The following EHMT2 variants were observed in gnomAD, a reference collection of about 807,000 sequenced individuals.
EHMT2 encodes the protein euchromatic histone lysine methyltransferase 2.
A neutral mutation model predicts 143.3 loss-of-function variants in EHMT2; 59 were observed. The ratio of observed to expected loss-of-function variants is 0.41; its 90% CI spans 0.33 to 0.51. The LOEUF (loss-of-function observed/expected upper bound fraction) is 0.51. Among genes scored for constraint, EHMT2 ranks in the 20% least tolerant of loss-of-function variants. The probability of loss-of-function intolerance (pLI) is 0.18; values close to 1 mark genes in which losing one functional copy is unlikely to be tolerated. For synonymous variants in EHMT2, 604 were observed against 651.5 expected (o/e 0.93, Z 1.11); for missense variants, 1,174 against 1,645.9 (o/e 0.71, Z 4.96).
Position 31,880,210 on chromosome 6 carries a change from T to C in EHMT2, c.3507A>G (p.Gln1169=), listed in dbSNP as rs538676408. 77 of 1,612,832 alleles carry C rather than the reference T, an allele frequency of 4.8e-5. No homozygotes were observed. Among genetic ancestry groups the C allele is most frequent in the East Asian group, 8.9e-5 (4 of 44,890 alleles). Residue 1169 remains glutamine, a synonymous_variant, in exon 28 of 28, where the codon CAA becomes CAG. Transcript: ENST00000375537. This position sits in a 1 kb window ranked among gnomAD's most constrained non-coding sequence, Gnocchi z 6.6. ...AGTGCTTGCACTTCTCAGAGCCACA[T>C]TGGCAGGTGAAATATTTGCTTTTGA...
chr6:31,891,567 C>T (rs1581939524), intron 7 of EHMT2, among the ~76,000 whole-genome samples: 1 of 152,088 alleles, frequency 6.6e-6, no homozygotes, highest in African/African-American at 2.4e-5. Flanking sequence ...ATGGCTGGAG[C>T]TGTGTATTGG....
In EHMT2 at chr6:31,884,869, C is replaced by T. The variant is rs765581797; in HGVS notation, c.2448+43G>A. ...CCTTGAATCCAGCCTCCACCTTGCT[C>T]AGGGGCCTGGGGCTGCCCTACCTCA... On this transcript the variant is annotated intron_variant, in intron 19 of 27. Coordinates refer to ENST00000375537, the Ensembl canonical transcript of EHMT2. This position sits in a 1 kb window ranked among gnomAD's most constrained non-coding sequence, Gnocchi z 7.3. 6.3e-7 allele frequency: 1 copy of T among 1,584,564 alleles called. No individual in the cohort carries two copies. The highest frequency in any genetic ancestry group is 1.1e-5 in the South Asian group (1 of 89,246).
At chr6:31,887,056 C>A in exon 16 of EHMT2, 6 of 1,612,790 alleles carry the variant, frequency 3.7e-6, no homozygotes, top group Non-Finnish European at 5.1e-6. Flanking sequence ...CAGGGGCGTG[C>A]GCTTGCTCTG....
exon 7 of EHMT2, chr6:31,892,504 G>A: frequency 1.9e-6 from 3 of 1,612,962 alleles, no homozygotes; most frequent in Non-Finnish European, 2.5e-6. Flanking sequence ...CAGGGACCCG[G>A]GGTCCCCTTT....
chr6:31,884,855 G>A lies in EHMT2; in HGVS notation c.2449-56C>T, dbSNP rs1764617503. On this transcript the variant is annotated intron_variant, in intron 19 of 27. Transcript: ENST00000375537. This position sits in a 1 kb window ranked among gnomAD's most constrained non-coding sequence, Gnocchi z 7.3. ...GCAGGCAGCTGGGCCCTTGAATCCA[G>A]CCTCCACCTTGCTCAGGGGCCTGGG... 6.3e-7 allele frequency: 1 copy of A among 1,580,602 alleles called. No homozygotes were observed. The highest frequency in any genetic ancestry group is 8.6e-7 in the Non-Finnish European group (1 of 1,157,236).
intron 7 of EHMT2, among the ~76,000 whole-genome samples, chr6:31,890,118 C>T (rs1011789261): frequency 3.3e-5 from 5 of 152,106 alleles, no homozygotes; most frequent in African/African-American, 7.2e-5. Context: ...AAGCTGATTC[C>T]GCCTCTAGAT....
chr6:31,879,973 G>C, exon 28 of EHMT2: 1 of 1,219,690 alleles, frequency 8.2e-7, no homozygotes, highest in East Asian at 2.5e-5. Flanking sequence ...TGAAAGGGTG[G>C]TGGGGAGAGA....
At chr6:31,887,318 T>G (rs1764999392) in intron 15 of EHMT2, among the ~76,000 whole-genome samples, 1 of 152,212 alleles carries the variant, frequency 6.6e-6, no homozygotes, top group African/African-American at 2.4e-5. Flanking sequence ...TGCTTCTCAG[T>G]ACCACTGTGC....
At position 31,883,391 on chromosome 6, in the gene EHMT2, G is replaced by A. The variant is rs1477871307; in HGVS notation, c.2965C>T (p.Gln989Ter). The stretch of plus-strand genomic sequence containing the variant: ...TCATACCAGCACCGGATGCTGAGCT[G>A]GCCGCACAGGCAGTTGGAGCTAGAG... The change falls in exon 23 of 28, where the codon CAG becomes TAG. Residue 989 changes from glutamine (Q) to a stop codon, truncating the protein, a stop_gained. Coordinates refer to ENST00000375537, the Ensembl canonical transcript of EHMT2. LOFTEE classifies it high-confidence loss of function. The surrounding 1 kb of genome is among the most constrained non-coding windows in gnomAD (Gnocchi z 5.6). The A allele has an allele frequency of 6.2e-7, 1 of 1,612,966 alleles. No homozygotes were observed. The highest frequency in any genetic ancestry group is 8.5e-7 in the Non-Finnish European group (1 of 1,179,976).
chr6:31,883,066 C>G lies in EHMT2; in HGVS notation c.2995-57G>C. The G allele has an allele frequency of 6.8e-7, 1 of 1,469,674 alleles. No homozygotes were observed. Among genetic ancestry groups the G allele is most frequent in the African/African-American group, 1.4e-5 (1 of 72,080 alleles). The allele number at this position is 1,469,674 out of a possible 1,614,324, so 91.0% of individuals were successfully genotyped here. ...CTGTGGGGCCCACCTCAGCTGCCCA[C>G]CCAGGAACCCCAAGACTCTACAGAG... is the stretch of plus-strand genomic sequence containing the variant. On this transcript the variant is annotated intron_variant, in intron 23 of 27. Transcript: ENST00000375537. This position sits in a 1 kb window ranked among gnomAD's most constrained non-coding sequence, Gnocchi z 5.6.
Position 31,889,387 on chromosome 6 carries a change from G to T in EHMT2, c.1000-45C>A. 1 of 1,608,906 alleles carries T rather than the reference G, an allele frequency of 6.2e-7. No homozygotes were observed. ...GGAGTTAGGAACCCTCACCCCCAGG[G>T]GCCCCCCCAACACCTTCAGGACCAG... On this transcript the variant is annotated intron_variant, in intron 8 of 27. Transcript: ENST00000375537. This position sits in a 1 kb window ranked among gnomAD's most constrained non-coding sequence, Gnocchi z 5.1.
Position 31,883,513 on chromosome 6 carries a change from C to G in EHMT2, c.2917-74G>C. On this transcript the variant is annotated intron_variant, in intron 22 of 27. Transcript: ENST00000375537. The surrounding 1 kb of genome is among the most constrained non-coding windows in gnomAD (Gnocchi z 5.6). The stretch of plus-strand genomic sequence containing the variant: ...CCCTCTACTCTTGATGCCCCCTGAC[C>G]CCCTAACCACTGTCCTTTCTTTGGG... The G allele has an allele frequency of 6.9e-7, 1 of 1,439,756 alleles. No individual in the cohort carries two copies. The highest frequency in any genetic ancestry group is 9.6e-7 in the Non-Finnish European group (1 of 1,041,264). 89.2% of individuals were successfully genotyped at this position (1,439,756 alleles called of 1,614,324 possible).
chr6:31,884,041 G>A lies in EHMT2; in HGVS notation c.2772-91C>T. The A allele has an allele frequency of 6.9e-7, 1 of 1,459,814 alleles. No homozygotes were observed. The highest frequency in any genetic ancestry group is 9.3e-7 in the Non-Finnish European group (1 of 1,079,952). The allele number at this position is 1,459,814 out of a possible 1,614,324, so 90.4% of individuals were successfully genotyped here. A position where few individuals can be genotyped will look rare whatever the true frequency, so the allele number is the denominator to read the frequency against. ...AGGAAGAGAGTTGGGGAGGTTCCTG[G>A]GGCTGGGGGCAGGGGAGTAAGGTTG... On this transcript the variant is annotated intron_variant, in intron 21 of 27. Transcript: ENST00000375537. The surrounding 1 kb of genome is among the most constrained non-coding windows in gnomAD (Gnocchi z 7.3).
At chr6:31,886,073 T>TGA (rs1764803138) in intron 18 of EHMT2, 1 of 148,308 alleles carries the variant, frequency 6.7e-6, no homozygotes, top group African/African-American at 2.6e-5. Context: ...GGCAACAGAG[T>TGA]GAGACTCCGT....
At chr6:31,896,623 C>T (rs771652894) in exon 3 of EHMT2, 3 of 1,585,002 alleles carry the variant, frequency 1.9e-6, no homozygotes, top group South Asian at 2.3e-5. Flanking sequence ...GATCCGGCCC[C>T]CACGGAGGTC....
chr6:31,881,172 G>T lies in EHMT2; in HGVS notation c.3198-80C>A. On this transcript the variant is annotated intron_variant, in intron 25 of 27. Coordinates refer to ENST00000375537, the Ensembl canonical transcript of EHMT2. The surrounding 1 kb of genome is among the most constrained non-coding windows in gnomAD (Gnocchi z 4.8). The stretch of plus-strand genomic sequence containing the variant: ...CTCCAGGCCCCATCTCTCTTCACAA[G>T]CCTGTGGAATCTGGAATGGGCAGGG... The T allele has an allele frequency of 7.9e-7, 1 of 1,272,438 alleles. No homozygotes were observed. The highest frequency in any genetic ancestry group is 1.1e-6 in the Non-Finnish European group (1 of 874,364). The allele number at this position is 1,272,438 out of a possible 1,614,324, so 78.8% of individuals were successfully genotyped here.
At position 31,889,319 on chromosome 6, in the gene EHMT2, C is replaced by T. The variant is rs749468216; in HGVS notation, c.1023G>A (p.Lys341=). The T allele has an allele frequency of 1.9e-6, 3 of 1,612,100 alleles. No homozygotes were observed. The highest frequency in any genetic ancestry group is 2.2e-5 in the East Asian group (1 of 44,874). ...TGTCTTTTCGCCATTTCTTCTTGGC[C>T]TTGCGCCGGCCACTGGAACCACTCT... Residue 341 remains lysine (K), a synonymous_variant, in exon 9 of 28, where the codon AAG becomes AAA. Coordinates refer to ENST00000375537, the Ensembl canonical transcript of EHMT2. This position sits in a 1 kb window ranked among gnomAD's most constrained non-coding sequence, Gnocchi z 5.1.
At position 31,884,000 on chromosome 6, in the gene EHMT2, A is replaced by T. The variant is rs539020776; in HGVS notation, c.2772-50T>A. On this transcript the variant is annotated intron_variant, in intron 21 of 27. Transcript: ENST00000375537. This position sits in a 1 kb window ranked among gnomAD's most constrained non-coding sequence, Gnocchi z 5.6. ...TGGGAAGCTGGAAAAGGGGGTGAGG[A>T]GCTACTCCAGGTATAAGGAAGAGAG... The T allele has an allele frequency of 1.9e-6, 3 of 1,597,032 alleles. No individual in the cohort carries two copies. The highest frequency in any genetic ancestry group is 4.5e-5 in the East Asian group (2 of 44,468).
exon 19 of EHMT2, chr6:31,885,009 C>A: frequency 6.2e-7 from 1 of 1,607,080 alleles, no homozygotes; most frequent in Non-Finnish European, 8.5e-7. Context: ...CGTCCACCCC[C>A]CACTGTCCTG....
Sources: allele counts gnomAD v4.1 joint callset (sites outside exome capture counted in the v4.1 genomes callset), GRCh38; gene constraint gnomAD v4.1.1; non-coding constraint Gnocchi (gnomAD v3.1); transcripts MANE v1.5; gene names NCBI Gene and HGNC (gene_info 2026-07-23, HGNC 2026-07-21).